Variants in EPHA10 observed in about 807,000 individuals in gnomAD.
EPHA10 encodes the protein EPH receptor A10.
EPHA10 carries 120 observed loss-of-function variants against 109.7 expected under a neutral mutation model. The observed-to-expected ratio is 1.09, with a 90% CI of 0.94 to 1.27. The LOEUF (loss-of-function observed/expected upper bound fraction) is 1.27, where lower values mean the gene tolerates loss of function less well. EPHA10 is among the 50% of genes most tolerant of loss of function. EPHA10 has a pLI of 0.00. For missense variants in EPHA10, 1,396 were observed against 1,411.1 expected (o/e 0.99, Z 0.17); for synonymous variants, 640 against 618.9 (o/e 1.03, Z -0.51).
At chr1:37,761,107 ATG>A in intron 3 of EPHA10, 1 of 1,177,250 alleles carries the variant, frequency 8.5e-7, no homozygotes, top group Non-Finnish European at 1.1e-6. Context: ...AAAAAAAACA[ATG>A]ACTTCCTTTA....
In EPHA10 at chr1:37,760,329, C is replaced by A. The variant is rs180873891; in HGVS notation, c.850+1076G>T. The A allele has an allele frequency of 1.3e-3, 1,398 of 1,047,012 alleles. 18 individuals carry two copies. The African/African-American group carries it at 0.022, about 16-fold the overall frequency. The allele number at this position is 1,047,012 out of a possible 1,614,324, so 64.9% of individuals were successfully genotyped here. On this transcript the variant is annotated intron_variant, in intron 3 of 16. Coordinates refer to ENST00000373048, the MANE Select transcript of EPHA10 (RefSeq NM_001099439.2). ...TAAGTACACACATTAATAACCCCAT[C>A]ATCACCCTCTGTATCCAAAGCCACA...
At chr1:37,724,957 G>A (rs1462120410) in intron 8 of EPHA10, among the ~76,000 whole-genome samples, 2 of 152,212 alleles carry the variant, frequency 1.3e-5, no homozygotes, top group Admixed American at 6.5e-5. Context: ...GGAACATTAG[G>A]AGTAATAGTG....
Position 37,753,099 on chromosome 1 carries a change from C to G in EPHA10, c.1134G>C (p.Leu378=). The G allele has an allele frequency of 7.3e-7, 1 of 1,362,494 alleles. No individual in the cohort carries two copies. The highest frequency in any genetic ancestry group is 9.5e-7 in the Non-Finnish European group (1 of 1,055,932). 84.4% of individuals were successfully genotyped at this position (1,362,494 alleles called of 1,614,324 possible). The change falls in exon 5 of 17, where the codon CTG becomes CTC. Residue 378 remains leucine (L), a synonymous_variant. Coordinates refer to ENST00000373048, the MANE Select transcript of EPHA10 (RefSeq NM_001099439.2). ...RSDVTYSLLC[L]RCGREGPAGA... ...CCGCCGGGCCCTCGCGGCCGCAGCG[C>G]AGGCACAGCAGCGAGTAGGTGACGT...
In EPHA10 at chr1:37,716,823, C is replaced by G. The variant is rs1295319779; in HGVS notation, c.*1549G>C. On this transcript the variant is annotated 3_prime_UTR_variant, in exon 17 of 17. Coordinates refer to ENST00000373048, the MANE Select transcript of EPHA10 (RefSeq NM_001099439.2). ...AGGCCCTGTTCAACTTACATCTCAA[C>G]TTCACACATTAAGAGAGTGGCTATC... 4 of 232,824 alleles carry G rather than the reference C, an allele frequency of 1.7e-5. No homozygotes were observed. Among genetic ancestry groups the G allele is most frequent in the Non-Finnish European group, 2.5e-5 (3 of 117,880 alleles). The allele number at this position is 232,824 out of a possible 1,614,324, so 14.4% of individuals were successfully genotyped here. A position where few individuals can be genotyped will look rare whatever the true frequency, so the allele number is the denominator to read the frequency against.
At chr1:37,739,863 G>A (rs1172565376) in intron 5 of EPHA10, among the ~76,000 whole-genome samples, 4 of 151,920 alleles carry the variant, frequency 2.6e-5, no homozygotes, top group Admixed American at 2.6e-4. Context: ...GAGGGCCAGG[G>A]TGGGAGGATC....
chr1:37,741,254 G>A (rs1007746216), intron 5 of EPHA10, among the ~76,000 whole-genome samples: 3 of 152,212 alleles, frequency 2.0e-5, no homozygotes, highest in Admixed American at 2.0e-4. Flanking sequence ...AGGAGCTGGC[G>A]CTGGGCCATG....
At position 37,764,792 on chromosome 1, in the gene EPHA10, A is replaced by G. The variant is rs1231855609; in HGVS notation, c.106+169T>C. On this transcript the variant is annotated intron_variant, in intron 1 of 16. Transcript: ENST00000373048. This position sits in a 1 kb window ranked among gnomAD's most constrained non-coding sequence, Gnocchi z 5.8. The stretch of plus-strand genomic sequence containing the variant: ...GCTCCTCAGCGCCCCTCTCTTCGCT[A>G]CTGCTTGATCACATTTTTCTCTGTC... 6.6e-6 allele frequency among the ~76,000 whole-genome samples: 1 copy of G among 151,582 alleles called. No homozygotes were observed. Among genetic ancestry groups the G allele is most frequent in the Non-Finnish European group, 1.5e-5 (1 of 67,908 alleles).
intron 5 of EPHA10, among the ~76,000 whole-genome samples, chr1:37,743,413 G>C (rs1014922703): frequency 1.3e-5 from 2 of 151,822 alleles, no homozygotes; most frequent in African/African-American, 4.8e-5. Flanking sequence ...AGAAGGGCTG[G>C]GTGAAGAAAC....
chr1:37,738,450 C>T lies in EPHA10; in HGVS notation c.1358-3060G>A, dbSNP rs569377344. ...TCATCAGGGAAATCAAAATCAAAAT[C>T]ACAATGAGATATCACCTCACACCCT... On this transcript the variant is annotated intron_variant, in intron 5 of 16. Coordinates refer to ENST00000373048, the MANE Select transcript of EPHA10 (RefSeq NM_001099439.2). Among the ~76,000 whole-genome samples, 4 of 152,230 alleles carry T rather than the reference C, an allele frequency of 2.6e-5. No individual in the cohort carries two copies. The South Asian group carries it at 6.2e-4, about 24-fold the overall frequency.
At position 37,732,863 on chromosome 1, in the gene EPHA10, CTTTTTTTTTTTTTTTTTTTTTTTTTT is replaced by C. The variant is rs56226051; in HGVS notation, c.1492-1307_1492-1282del. On this transcript the variant is annotated intron_variant, in intron 6 of 16. Coordinates refer to ENST00000373048, the MANE Select transcript of EPHA10 (RefSeq NM_001099439.2). ...CAAATATAGCCCTTTTATACTTGTT[CTTTTTTTTTTTTTTTTTTTTTTTTTT>C]TTTTTTTTTTTTTTTTTTGAGGCAG... Among the ~76,000 whole-genome samples the C allele has an allele frequency of 1.4e-3, 34 of 25,048 alleles. 1 individual carries two copies. The highest frequency in any genetic ancestry group is 3.3e-3 in the African/African-American group (25 of 7,484). The allele number at this position is 25,048 out of a possible 152,430, so 16.4% of individuals were successfully genotyped here. A position where few individuals can be genotyped will look rare whatever the true frequency, so the allele number is the denominator to read the frequency against.
intron 5 of EPHA10, chr1:37,738,088 C>T (rs1646097859): frequency 6.6e-6 from 1 of 152,020 alleles, no homozygotes; most frequent in Admixed American, 6.6e-5. Flanking sequence ...GATATATAGG[C>T]TGAGCGCGGT....
Position 37,721,839 on chromosome 1 carries a change from A to G in EPHA10, c.1967T>C (p.Phe656Ser), listed in dbSNP as rs1325148729. The G allele has an allele frequency of 1.9e-6, 3 of 1,592,104 alleles. No homozygotes were observed. The highest frequency in any genetic ancestry group is 2.7e-5 in the African/African-American group (2 of 74,062). ...TLERSLGGGR[F>S]GELCCGCLQL... is the part of the protein sequence containing the mutation. ...CAAGCAGCCACAGCACAGCTCCCCA[A>G]ACCGCCCTGTGGGGAAACAGCACCT... The change falls in exon 11 of 17, where the codon TTT (phenylalanine) becomes TCT (serine). Residue 656 changes from phenylalanine to serine, a missense_variant. Phe to Ser is a radical substitution (Grantham distance 155). Transcript: ENST00000373048.
chr1:37,731,468 G>GC lies in EPHA10; in HGVS notation c.1605dup (p.Pro536AlafsTer9). On this transcript the variant is annotated frameshift_variant, in exon 7 of 17. Coordinates refer to ENST00000373048, the MANE Select transcript of EPHA10 (RefSeq NM_001099439.2). LOFTEE classifies it high-confidence loss of function. ...TTAAAACTCTGGGCCTCCCAGGATGGCCCCGGGGAAGCGGCCCGGATCTGA... is the reference window on the plus strand; with the variant it reads ...TTAAAACTCTGGGCCTCCCAGGATGGCCCCCGGGGAAGCGGCCCGGATCTGA... 1 of 1,613,944 alleles carries GC rather than the reference G, an allele frequency of 6.2e-7. No homozygotes were observed. The highest frequency in any genetic ancestry group is 8.5e-7 in the Non-Finnish European group (1 of 1,179,916).
At chr1:37,735,464 G>C (rs923769969) in intron 5 of EPHA10, 74 bp from the exon 6 acceptor site, 76 of 1,506,724 alleles carry the variant, frequency 5.0e-5, no homozygotes, top group Non-Finnish European at 6.5e-5. Flanking sequence ...GGAAGAGGGT[G>C]CGGCGTGCGG....
At position 37,723,351 on chromosome 1, in the gene EPHA10, T is replaced by A. The variant is rs1396615839; in HGVS notation, c.1794A>T (p.Gly598=). ...IWRRPCSYGK[G]GGDAHDEEEL... ...CCTCTTCATCATGGGCATCCCCTCC[T>A]CCTTTGCCATAGCTGCAGGGCCTGG... is the stretch of plus-strand genomic sequence containing the variant. Residue 598 remains glycine, a synonymous_variant, in exon 9 of 17, where the codon GGA becomes GGT. Transcript: ENST00000373048. 6.2e-7 allele frequency: 1 copy of A among 1,614,056 alleles called. No homozygotes were observed. The highest frequency in any genetic ancestry group is 8.5e-7 in the Non-Finnish European group (1 of 1,180,038).
In EPHA10 at chr1:37,761,646, C is replaced by T. The variant is rs767006722; in HGVS notation, c.609G>A (p.Ser203=). The change falls in exon 3 of 17, where the codon TCG becomes TCA. Residue 203 remains serine (S), a synonymous_variant. Coordinates refer to ENST00000373048, the MANE Select transcript of EPHA10 (RefSeq NM_001099439.2). ...GGCACTGCTTGTAGTAGACGCGCAC[C>T]GAGACAAGCGCCACGCATGCGCCCA... ...QDVGACVALV[S]VRVYYKQCRA... 3.8e-5 allele frequency: 61 copies of T among 1,606,556 alleles called. No homozygotes were observed. The East Asian group carries it at 4.0e-4, about 11-fold the overall frequency.
intron 6 of EPHA10, among the ~76,000 whole-genome samples, 156 bp downstream of exon 6, chr1:37,735,101 G>A (rs565055088): frequency 1.3e-5 from 2 of 152,250 alleles, no homozygotes; most frequent in South Asian, 4.2e-4. Flanking sequence ...TCCGGGGGAG[G>A]AGGGGGAGAC....
chr1:37,721,774 T>C lies in EPHA10; in HGVS notation c.2032A>G (p.Met678Val), dbSNP rs2148310975. ...GAGTCGGAGGCGCTGTCCCTCAGCA[T>C]ATGCACGGCTACGAGCAGCTCCTGG... ...GRQELLVAVH[M>V]LRDSASDSQR... The change falls in exon 11 of 17, where the codon ATG becomes GTG. Residue 678 changes from methionine (M) to valine (V), a missense_variant. Coordinates refer to ENST00000373048, the MANE Select transcript of EPHA10 (RefSeq NM_001099439.2). 6.2e-7 allele frequency: 1 copy of C among 1,612,272 alleles called. No individual in the cohort carries two copies. Among genetic ancestry groups the C allele is most frequent in the South Asian group, 1.1e-5 (1 of 90,958 alleles).
At chr1:37,727,808 T>C (rs889344950) in intron 7 of EPHA10, among the ~76,000 whole-genome samples, 4 of 152,202 alleles carry the variant, frequency 2.6e-5, no homozygotes, top group African/African-American at 7.2e-5. Context: ...TCCAAAAGTC[T>C]CTGCCTGATT....
Sources: gnomAD v4.1 joint callset for allele counts (sites outside exome capture counted in the v4.1 genomes callset) on GRCh38, gnomAD v4.1.1 for gene constraint, Gnocchi (gnomAD v3.1) non-coding constraint, MANE v1.5 for transcripts, NCBI Gene and HGNC (gene_info 2026-07-23, HGNC 2026-07-21) for gene names.